IGSF21: variants seen among roughly 807,000 people sequenced by gnomAD.
IGSF21 encodes immunoglobin superfamily member 21, also known as immunoglobulin superfamily member 21.
IGSF21 carries 28 observed loss-of-function variants against 46.8 expected under a neutral mutation model. The ratio of observed to expected loss-of-function variants is 0.60; its 90% confidence interval spans 0.44 to 0.82. IGSF21 has a LOEUF of 0.82. IGSF21 is among the 40% of genes least tolerant of loss of function. IGSF21 has a pLI of 0.00. For missense variants in IGSF21, 624 were observed against 665.5 expected (o/e 0.94, Z 0.69); for synonymous variants, 284 against 273.6 (o/e 1.04, Z -0.38).
intron 2 of IGSF21, among the ~76,000 whole-genome samples, chr1:18,273,266 C>G (rs1170722606): frequency 6.6e-6 from 1 of 151,574 alleles, no homozygotes; most frequent in Non-Finnish European, 1.5e-5. Context: ...GTCTTGAACT[C>G]CTGACCTCAA....
At chr1:18,306,217 C>G (rs1013179591) in intron 3 of IGSF21, among the ~76,000 whole-genome samples, 7 of 152,228 alleles carry the variant, frequency 4.6e-5, no homozygotes, top group Non-Finnish European at 2.9e-5. Flanking sequence ...TCTCCCTCTT[C>G]AGCTTCCTAA....
At chr1:18,127,199 C>A (rs1245811371) in intron 1 of IGSF21, among the ~76,000 whole-genome samples, 4 of 152,128 alleles carry the variant, frequency 2.6e-5, no homozygotes, top group Non-Finnish European at 5.9e-5. Context: ...CAGGCAAGGG[C>A]TTTGGCCTCA....
chr1:18,186,869 G>A (rs779149572), intron 1 of IGSF21, among the ~76,000 whole-genome samples: 12 of 152,034 alleles, frequency 7.9e-5, no homozygotes, highest in South Asian at 4.2e-4. Context: ...TCAGGTTCCC[G>A]TTGCCTTGCT....
At chr1:18,338,050 T>C (rs543453694) in intron 4 of IGSF21, among the ~76,000 whole-genome samples, 5 of 152,134 alleles carry the variant, frequency 3.3e-5, no homozygotes, top group African/African-American at 1.2e-4. Context: ...CACATGGGCC[T>C]GGGAGGCAGG....
chr1:18,140,227 G>A (rs75680752), intron 1 of IGSF21, among the ~76,000 whole-genome samples: 21,232 of 152,254 alleles, frequency 0.14, 1,579 homozygotes, highest in Middle Eastern at 0.17. Flanking sequence ...GAATCACGCA[G>A]CTTCCTTGCT....
At chr1:18,228,581 A>G (rs2084592761) in intron 2 of IGSF21, among the ~76,000 whole-genome samples, 1 of 152,194 alleles carries the variant, frequency 6.6e-6, no homozygotes, top group African/African-American at 2.4e-5. Flanking sequence ...CTTGAGCACA[A>G]GGGGCCTTTT....
intron 2 of IGSF21, among the ~76,000 whole-genome samples, chr1:18,255,842 T>C (rs1006269698): frequency 2.4e-4 from 36 of 152,184 alleles, no homozygotes; most frequent in African/African-American, 8.4e-4. Flanking sequence ...CATCTTAGTC[T>C]GAATGTCTGT....
chr1:18,328,407 G>T (rs2085678709), intron 3 of IGSF21, among the ~76,000 whole-genome samples: 1 of 152,172 alleles, frequency 6.6e-6, no homozygotes, highest in South Asian at 2.1e-4. Context: ...TGGTTGTATG[G>T]CTACTCAAAG....
At chr1:18,295,991 C>T (rs1369830516) in intron 3 of IGSF21, among the ~76,000 whole-genome samples, 1 of 150,838 alleles carries the variant, frequency 6.6e-6, no homozygotes, top group African/African-American at 2.5e-5. Flanking sequence ...GCAAAATGAG[C>T]GGGCAGTTCT....
At chr1:18,127,070 G>A (rs2086280131) in intron 1 of IGSF21, among the ~76,000 whole-genome samples, 1 of 152,182 alleles carries the variant, frequency 6.6e-6, no homozygotes, top group South Asian at 2.1e-4. Context: ...CCATCTACCA[G>A]TGACCACATG....
At chr1:18,368,651 C>T (rs72938785) in intron 6 of IGSF21, among the ~76,000 whole-genome samples, 4,052 of 152,268 alleles carry the variant, frequency 0.027, 191 homozygotes, top group African/African-American at 0.09. Context: ...CAGCCCTTCA[C>T]TCCTCTCTCT....
chr1:18,330,861 G>A (rs1392696239), intron 3 of IGSF21, among the ~76,000 whole-genome samples: 2 of 152,172 alleles, frequency 1.3e-5, no homozygotes, highest in Non-Finnish European at 2.9e-5. Flanking sequence ...TCCCACACAT[G>A]TACAACCTCT....
At position 18,273,512 on chromosome 1, in the gene IGSF21, CTTTCT is replaced by C. The variant is rs1315918259; in HGVS notation, c.184-18351_184-18347del. The stretch of plus-strand genomic sequence containing the variant: ...TCTTTCTTTCTTTCTTTCTTTCTTT[CTTTCT>C]TTCGTCTTTCTTTACTTTTTTTTTT... On this transcript the variant is annotated intron_variant, in intron 2 of 9. Transcript: ENST00000251296. Among the ~76,000 whole-genome samples, 163 of 71,936 alleles carry C rather than the reference CTTTCT, an allele frequency of 2.3e-3. 8 individuals carry two copies. The highest frequency in any genetic ancestry group is 9.2e-3 in the African/African-American group (159 of 17,300). 47.2% of individuals were successfully genotyped at this position (71,936 alleles called of 152,430 possible).
chr1:18,238,588 T>G (rs2084695011), intron 2 of IGSF21, among the ~76,000 whole-genome samples: 1 of 150,262 alleles, frequency 6.7e-6, no homozygotes, highest in Non-Finnish European at 1.5e-5. Context: ...CTGGTCCACA[T>G]GGGGTTGATA....
At chr1:18,171,114 T>A (rs1307933931) in intron 1 of IGSF21, among the ~76,000 whole-genome samples, 1 of 152,018 alleles carries the variant, frequency 6.6e-6, no homozygotes. Context: ...AGTGTCTCGG[T>A]GTCTTGTAGC....
intron 2 of IGSF21, among the ~76,000 whole-genome samples, chr1:18,272,318 G>GGGTGGGGT: frequency 6.6e-6 from 1 of 152,000 alleles, no homozygotes; most frequent in South Asian, 2.1e-4. Context: ...ATGAGATTGG[G>GGGTGGGGT]GGTGGGGTGG....
At chr1:18,291,014 C>T (rs768696444) in intron 2 of IGSF21, among the ~76,000 whole-genome samples, 8 of 152,298 alleles carry the variant, frequency 5.3e-5, no homozygotes, top group Non-Finnish European at 8.8e-5. Context: ...AAACTGCAGC[C>T]GAGTAAACAG....
intron 2 of IGSF21, among the ~76,000 whole-genome samples, chr1:18,248,299 C>T (rs762844688): frequency 1.3e-5 from 2 of 152,222 alleles, no homozygotes; most frequent in Admixed American, 6.5e-5. Flanking sequence ...CAACGCATTT[C>T]GAGCTGCCAG....
At chr1:18,199,927 C>G (rs938132627) in intron 1 of IGSF21, among the ~76,000 whole-genome samples, 1 of 151,646 alleles carries the variant, frequency 6.6e-6, no homozygotes, top group Non-Finnish European at 1.5e-5. Flanking sequence ...CATCCCTAGG[C>G]AATTGCATTG....
Sources: allele counts gnomAD v4.1 joint callset (sites outside exome capture counted in the v4.1 genomes callset), GRCh38; gene constraint gnomAD v4.1.1; transcripts MANE v1.5; gene names NCBI Gene and HGNC (gene_info 2026-07-23, HGNC 2026-07-21).